ATP11C: variants seen among roughly 807,000 people sequenced by gnomAD.
ATP11C encodes the protein phospholipid-transporting ATPase IG.
A neutral mutation model predicts 97.4 loss-of-function variants in ATP11C; 36 were observed. That is an observed-to-expected ratio of 0.37 (90% CI 0.28 to 0.49). ATP11C has a LOEUF of 0.49. ATP11C is among the 20% of genes least tolerant of loss of function. The pLI is 0.98. For missense variants in ATP11C, 730 were observed against 824.6 expected, an observed-to-expected ratio of 0.89 and a Z score of 1.40; for synonymous variants, 275 against 290.9, an observed-to-expected ratio of 0.95 and a Z score of 0.56.
intron 3 of ATP11C, among the ~76,000 whole-genome samples, chrX:139,817,166 CT>C (rs754805126): frequency 1.4e-4 from 16 of 112,296 alleles, no homozygotes; most frequent in African/African-American, 4.8e-4. Context: ...GGATTAACCC[CT>C]TTATTGAAAT....
rs969131221 is a variant in ATP11C, at chrX:139,913,459, A to G, written c.27+18557T>C. Among the ~76,000 whole-genome samples the G allele has an allele frequency of 2.7e-5, 3 of 111,922 alleles. No individual in the cohort carries two copies. In the Admixed American group the frequency reaches 2.9e-4, roughly 11 times the overall value. Reference sequence around the variant, plus strand: ...TAAACAGTGTCAGGCCTCTGAGCCCAAGCTAAGCCATCATATCCCCCTGTG... The same window carrying G: ...TAAACAGTGTCAGGCCTCTGAGCCCGAGCTAAGCCATCATATCCCCCTGTG... On this transcript the variant is annotated intron_variant, in intron 1 of 29. Transcript: ENST00000682941.
At chrX:139,929,739 T>C in intron 1 of ATP11C, among the ~76,000 whole-genome samples, 1 of 111,948 alleles carries the variant, frequency 8.9e-6, no homozygotes. Flanking sequence ...ACTACATCTA[T>C]ACTGCTGTGA....
chrX:139,874,413 T>C (rs1757696735), intron 1 of ATP11C, among the ~76,000 whole-genome samples: 1 of 109,882 alleles, frequency 9.1e-6, no homozygotes, highest in African/African-American at 3.3e-5. Context: ...GTGCACATCA[T>C]AGGGACTGGA....
intron 1 of ATP11C, among the ~76,000 whole-genome samples, chrX:139,833,659 G>A (rs1332768614): frequency 9.0e-6 from 1 of 110,971 alleles, no homozygotes; most frequent in Non-Finnish European, 1.9e-5. Flanking sequence ...CTGCACTCCA[G>A]CTTGGGCAAC....
intron 1 of ATP11C, chrX:139,924,304 G>A: frequency 2.8e-6 from 1 of 357,106 alleles, no homozygotes; most frequent in Non-Finnish European, 5.8e-6. Flanking sequence ...AGTATGAAAA[G>A]GAATGACCCA....
intron 1 of ATP11C, among the ~76,000 whole-genome samples, chrX:139,853,348 A>C (rs1352469488): frequency 2.8e-5 from 3 of 107,637 alleles, no homozygotes; most frequent in Admixed American, 2.0e-4. Flanking sequence ...AGACAGAGAG[A>C]GGGGAAAGAC....
chrX:139,733,478 CAATT>C (rs752794466), intron 28 of ATP11C, among the ~76,000 whole-genome samples: 4 of 112,089 alleles, frequency 3.6e-5, no homozygotes, highest in East Asian at 5.6e-4. Flanking sequence ...TTCTAATAAA[CAATT>C]AAACTTTCAA....
intron 5 of ATP11C, among the ~76,000 whole-genome samples, chrX:139,813,325 G>A (rs2083216895): frequency 8.9e-6 from 1 of 112,158 alleles, no homozygotes; most frequent in African/African-American, 3.2e-5. Flanking sequence ...CATTGTTGGT[G>A]AGAATGCAAA....
chrX:139,787,383 C>T, intron 14 of ATP11C, 139 bp from the exon 15 acceptor site: 1 of 409,302 alleles, frequency 2.4e-6, no homozygotes, highest in Non-Finnish European at 4.0e-6. Flanking sequence ...CTGCAACCTT[C>T]ACCTCCCAGT....
At chrX:139,832,667 G>A (rs1260507925) in intron 1 of ATP11C, among the ~76,000 whole-genome samples, 1 of 112,158 alleles carries the variant, frequency 8.9e-6, no homozygotes, top group Non-Finnish European at 1.9e-5. Flanking sequence ...TGTAGTTTAA[G>A]AGGAAGAGAC....
intron 28 of ATP11C, among the ~76,000 whole-genome samples, chrX:139,732,811 A>T (rs2081374252): frequency 9.0e-6 from 1 of 111,395 alleles, no homozygotes; most frequent in Admixed American, 9.5e-5. Flanking sequence ...TAAATAAAAT[A>T]GCTTTAAAAT....
chrX:139,753,156 C>A (rs1439412669), intron 23 of ATP11C, among the ~76,000 whole-genome samples: 1 of 111,446 alleles, frequency 9.0e-6, no homozygotes, highest in Non-Finnish European at 1.9e-5. Flanking sequence ...ACCCCCAAAA[C>A]AACAGAATAT....
At chrX:139,804,334 T>C (rs1383465469) in intron 6 of ATP11C, 137 bp downstream of exon 6, 4 of 468,473 alleles carry the variant, frequency 8.5e-6, no homozygotes, top group Non-Finnish European at 1.3e-5. Flanking sequence ...AACAATTACA[T>C]AACAGCTCTT....
chrX:139,761,664 T>C (rs951633864), intron 22 of ATP11C, among the ~76,000 whole-genome samples: 1 of 111,568 alleles, frequency 9.0e-6, no homozygotes, highest in Non-Finnish European at 1.9e-5. Context: ...AATGGTTACA[T>C]GGATGTATAC....
chrX:139,758,720 C>T (rs751038382), intron 22 of ATP11C, among the ~76,000 whole-genome samples: 2 of 111,808 alleles, frequency 1.8e-5, no homozygotes, highest in Non-Finnish European at 3.8e-5. Flanking sequence ...AGGCTGTGAG[C>T]TTTTTTACTG....
intron 1 of ATP11C, among the ~76,000 whole-genome samples, chrX:139,864,051 G>A (rs1452346279): frequency 9.0e-6 from 1 of 111,326 alleles, no homozygotes; most frequent in Non-Finnish European, 1.9e-5. Context: ...CTGGGCGACA[G>A]AGCAAGACCC....
chrX:139,775,514 G>C (rs182682139), intron 18 of ATP11C, among the ~76,000 whole-genome samples: 301 of 112,375 alleles, frequency 2.7e-3, no homozygotes, highest in Non-Finnish European at 4.3e-3. Flanking sequence ...ACTGTGGGAA[G>C]AGAGCCAGGA....
rs759171512 is a variant in ATP11C, at chrX:139,876,445, G to A, written c.28-49622C>T. Among the ~76,000 whole-genome samples, 131 of 111,702 alleles carry A rather than the reference G, an allele frequency of 1.2e-3. 1 individual carries two copies. Among genetic ancestry groups the A allele is most frequent in the Admixed American group, 5.7e-4 (6 of 10,528 alleles). ...AATACAACAATTTTTTTTGAGATGCGATCTCAACTATGTTGCCCAGGCACA... is the reference window on the plus strand; with the variant it reads ...AATACAACAATTTTTTTTGAGATGCAATCTCAACTATGTTGCCCAGGCACA... On this transcript the variant is annotated intron_variant, in intron 1 of 29. Coordinates refer to ENST00000682941, the MANE Select transcript of ATP11C (RefSeq NM_001353812.2).
Position 139,727,670 on chromosome X carries a change from AAAAC to A in ATP11C, c.*1292_*1295del, listed in dbSNP as rs946237174. On this transcript the variant is annotated 3_prime_UTR_variant, in exon 30 of 30. Coordinates refer to ENST00000682941, the MANE Select transcript of ATP11C (RefSeq NM_001353812.2). Reference sequence around the variant, plus strand: ...ACAGGCATGCCAGAAAGACAAAAAAAAAACAAAAAAACTAGCAGTCAAATAAATA... The same window carrying A: ...ACAGGCATGCCAGAAAGACAAAAAAAAAAAAAACTAGCAGTCAAATAAATA... 9.0e-6 allele frequency: 1 copy of A among 111,690 alleles called. No individual in the cohort carries two copies. The highest frequency in any genetic ancestry group is 3.3e-5 in the African/African-American group (1 of 30,724). The allele number at this position is 111,690 out of a possible 1,213,427, so 9.2% of individuals were successfully genotyped here.
Sources: gnomAD v4.1 joint callset for allele counts (sites outside exome capture counted in the v4.1 genomes callset) on GRCh38, gnomAD v4.1.1 for gene constraint, MANE v1.5 for transcripts, NCBI Gene and HGNC (gene_info 2026-07-23, HGNC 2026-07-21) for gene names.